The following NCOR2 variants were observed in gnomAD, a reference collection of about 807,000 sequenced individuals.
NCOR2 encodes the protein CTG repeat protein 26.
NCOR2 carries 81 observed loss-of-function variants against 262.9 expected under a neutral mutation model. The ratio of observed to expected loss-of-function variants is 0.31; its 90% CI spans 0.26 to 0.37. The LOEUF (loss-of-function observed/expected upper bound fraction) is 0.37, where lower values mean the gene tolerates loss of function less well. Among genes scored for constraint, NCOR2 ranks in the 10% least tolerant of loss-of-function variants. NCOR2 has a pLI of 1.00. For synonymous variants in NCOR2, 1,659 were observed against 1,559.3 expected, an observed-to-expected ratio of 1.06 and a Z score of -1.51; for missense variants, 3,385 against 3,621.4, an observed-to-expected ratio of 0.93 and a Z score of 1.68.
At chr12:124,565,719 AACCACTCTGTGAACTCAGT>A (rs1480376135) in intron 1 of NCOR2, among the ~76,000 whole-genome samples, 1 of 152,190 alleles carries the variant, frequency 6.6e-6, no homozygotes, top group Non-Finnish European at 1.5e-5. Context: ...CAGCTCTCAC[AACCACTCTGTGAACTCAGT>A]ACCATTTTGA....
chr12:124,480,039 C>A (rs967474501), intron 3 of NCOR2, among the ~76,000 whole-genome samples: 14 of 152,254 alleles, frequency 9.2e-5, no homozygotes, highest in Non-Finnish European at 1.9e-4. Flanking sequence ...ATTCTTACCA[C>A]TGCGTGAATG....
chr12:124,444,704 T>G (rs1167194624), intron 7 of NCOR2, among the ~76,000 whole-genome samples: 2 of 151,970 alleles, frequency 1.3e-5, no homozygotes, highest in Non-Finnish European at 2.9e-5. Context: ...GAGGCAGATA[T>G]GCAGGGCCCG....
At chr12:124,361,075 T>C (rs947881225) in intron 22 of NCOR2, among the ~76,000 whole-genome samples, 1 of 147,490 alleles carries the variant, frequency 6.8e-6, no homozygotes, top group Non-Finnish European at 1.5e-5. Context: ...TGAGCGGAGA[T>C]TGTGCCACTG....
chr12:124,336,951 TG>T lies in NCOR2; in HGVS notation c.5916del (p.Ser1973AlafsTer9). 6.5e-7 allele frequency: 1 copy of T among 1,539,876 alleles called. No individual in the cohort carries two copies. The highest frequency in any genetic ancestry group is 1.3e-5 in the South Asian group (1 of 79,530). On this transcript the variant is annotated frameshift_variant, in exon 38 of 47. Coordinates refer to ENST00000405201, the Ensembl canonical transcript of NCOR2. LOFTEE classifies it high-confidence loss of function. ...AGGGGCCGGGGCTCCGAGCCCTTGC[TG>T]GGGGAGGAGGCGGGCTCCAGCCCGG...
At chr12:124,430,539 A>G (rs2043853307) in intron 9 of NCOR2, 76 bp downstream of exon 11, 1 of 1,513,550 alleles carries the variant, frequency 6.6e-7, no homozygotes, top group Non-Finnish European at 8.8e-7. Context: ...CTTCCTGGCC[A>G]GGCCATCTCT....
At chr12:124,496,370 C>T (rs1373793126), upstream of NCOR2, among the ~76,000 whole-genome samples, 1 of 152,030 alleles carries the variant, frequency 6.6e-6, no homozygotes, top group Non-Finnish European at 1.5e-5. The surrounding 1 kb of genome is among the most constrained non-coding windows in gnomAD (Gnocchi z 4.4). Context: ...AAGGTGTGTC[C>T]ATCAGGTCCT....
rs187725472 is a variant in NCOR2, at chr12:124,373,426, C to T, written c.2219-816G>A. On this transcript the variant is annotated intron_variant, in intron 19 of 46. Transcript: ENST00000405201. ...TGGACAATCACGAGGCCAGTGCGTG[C>T]GCAGGGGCCCCGGGCACAGTGGGCA... Among the ~76,000 whole-genome samples, 246 of 109,104 alleles carry T rather than the reference C, an allele frequency of 2.3e-3. 29 individuals are homozygous for T. In the East Asian group the frequency reaches 0.051, roughly 23 times the overall value. The allele number at this position is 109,104 out of a possible 152,430, so 71.6% of individuals were successfully genotyped here. A position where few individuals can be genotyped will look rare whatever the true frequency, so the allele number is the denominator to read the frequency against.
At chr12:124,428,297 G>A (rs2043712691) in intron 10 of NCOR2, among the ~76,000 whole-genome samples, 1 of 152,236 alleles carries the variant, frequency 6.6e-6, no homozygotes, top group Admixed American at 6.5e-5. Context: ...CTGTGGCTGT[G>A]CAATGCGATG....
At chr12:124,530,536 G>A (rs1431587149) in intron 1 of NCOR2, among the ~76,000 whole-genome samples, 1 of 152,142 alleles carries the variant, frequency 6.6e-6, no homozygotes, top group African/African-American at 2.4e-5. Flanking sequence ...AGTACCCAGG[G>A]ACTATTTCCT....
intron 41 of NCOR2, 147 bp downstream of exon 43, chr12:124,334,277 C>G: frequency 1.8e-6 from 1 of 561,394 alleles, no homozygotes; most frequent in Non-Finnish European, 3.1e-6. Flanking sequence ...GTGACTCCCC[C>G]ATCTCCTGGA....
upstream of NCOR2, among the ~76,000 whole-genome samples, chr12:124,536,751 T>C (rs1030958205): frequency 6.6e-6 from 1 of 152,230 alleles, no homozygotes; most frequent in African/African-American, 2.4e-5. Context: ...TTTGGCCATT[T>C]CTTATAGTTA....
chr12:124,438,382 C>T (rs1036103483), intron 7 of NCOR2, among the ~76,000 whole-genome samples: 11 of 152,160 alleles, frequency 7.2e-5, no homozygotes, highest in African/African-American at 2.7e-4. Flanking sequence ...GACCCCGAGA[C>T]CTGCTGCCGC....
At chr12:124,527,157 C>A (rs558592091) in intron 1 of NCOR2, among the ~76,000 whole-genome samples, 2 of 152,314 alleles carry the variant, frequency 1.3e-5, no homozygotes, top group South Asian at 2.1e-4. Context: ...CCTGATTCAG[C>A]AAATCCCTGA....
rs74831647 is a variant in NCOR2, at chr12:124,451,230, G to A, written c.763-1363C>T. 4.9e-3 allele frequency among the ~76,000 whole-genome samples: 739 copies of A among 152,362 alleles called. 9 individuals carry two copies. Among genetic ancestry groups the A allele is most frequent in the African/African-American group, 0.017 (709 of 41,590 alleles). On this transcript the variant is annotated intron_variant, in intron 6 of 46. Coordinates refer to ENST00000405201, the Ensembl canonical transcript of NCOR2. ...GGCTGATCTACAACGCCGGCCCCCC[G>A]ACTCCCTCGCTGGCCACGGAGGTGC...
intron 17 of NCOR2, among the ~76,000 whole-genome samples, chr12:124,379,296 C>T (rs2136076567): frequency 6.6e-6 from 1 of 152,198 alleles, no homozygotes; most frequent in East Asian, 1.9e-4. Context: ...ACACACAGAG[C>T]CCACTCTTCT....
chr12:124,415,536 G>A (rs894779564), intron 13 of NCOR2, among the ~76,000 whole-genome samples: 14 of 152,330 alleles, frequency 9.2e-5, no homozygotes, highest in Middle Eastern at 3.4e-3. Context: ...CCCAGGCCAC[G>A]CCACCACCTC....
chr12:124,489,507 G>A (rs2047963581), intron 1 of NCOR2, among the ~76,000 whole-genome samples: 1 of 152,176 alleles, frequency 6.6e-6, no homozygotes, highest in Non-Finnish European at 1.5e-5. Flanking sequence ...GACAAGAGGG[G>A]ACAGTCCCCA....
chr12:124,565,737 G>A (rs775715237), intron 1 of NCOR2, among the ~76,000 whole-genome samples: 4 of 152,172 alleles, frequency 2.6e-5, no homozygotes, highest in Non-Finnish European at 5.9e-5. Flanking sequence ...TGTGAACTCA[G>A]TACCATTTTG....
chr12:124,373,276 ATGAGG>A lies in NCOR2; in HGVS notation c.2219-671_2219-667del, dbSNP rs1566411773. Among the ~76,000 whole-genome samples, 381 of 109,226 alleles carry A rather than the reference ATGAGG, an allele frequency of 3.5e-3. 67 individuals are homozygous for A. Among genetic ancestry groups the A allele is most frequent in the Admixed American group, 0.01 (108 of 10,628 alleles). 71.7% of individuals were successfully genotyped at this position (109,226 alleles called of 152,430 possible). A position where few individuals can be genotyped will look rare whatever the true frequency, so the allele number is the denominator to read the frequency against. On this transcript the variant is annotated intron_variant, in intron 19 of 46. Transcript: ENST00000405201. The stretch of plus-strand genomic sequence containing the variant: ...GGGGACCCGGGCACAGTGGACAATC[ATGAGG>A]CCAGTGCGTGTGCAGGGGCCCGGGC...
Sources: allele counts gnomAD v4.1 joint callset (sites outside exome capture counted in the v4.1 genomes callset), GRCh38; gene constraint gnomAD v4.1.1; non-coding constraint Gnocchi (gnomAD v3.1); transcripts MANE v1.5; gene names NCBI Gene and HGNC (gene_info 2026-07-23, HGNC 2026-07-21).